P3H2: variants seen among roughly 807,000 people sequenced by gnomAD.
P3H2 encodes leprecan-like 1.
Under a neutral mutation model 87.0 loss-of-function variants are expected in P3H2, and 80 were observed. The ratio of observed to expected loss-of-function variants is 0.92; its 90% CI spans 0.77 to 1.11. P3H2 has a LOEUF of 1.11. Among genes scored for constraint, P3H2 ranks in the 50% least tolerant of loss-of-function variants. The pLI, the probability that P3H2 is intolerant of heterozygous loss-of-function variation, is 0.00. For synonymous variants in P3H2, 367 were observed against 359.3 expected (o/e 1.02, Z -0.24); for missense variants, 1,001 against 923.9 (o/e 1.08, Z -1.08).
rs745876770 is a variant in P3H2, at chr3:189,995,432, A to G, written c.491T>C (p.Leu164Pro). Residue 164 changes from leucine to proline, a missense_variant, in exon 2 of 15, where the codon CTC (leucine) becomes CCC (proline). By Grantham distance (98) the Leu-to-Pro change is moderately conservative. Transcript: ENST00000319332. ...GTGAGCTGCTTCCACTGCTTTTTCG[A>G]GCTGGTTAAGCTAAAGAGAAAAAAA... Reference protein sequence around the residue: ...LQRAYIKLNQLEKAVEAAHTF... With the variant: ...LQRAYIKLNQPEKAVEAAHTF... 35 of 1,613,478 alleles carry G rather than the reference A, an allele frequency of 2.2e-5. No individual in the cohort carries two copies. The highest frequency in any genetic ancestry group is 5.0e-5 in the Admixed American group (3 of 59,982).
At chr3:190,035,205 CT>C (rs774589188) in intron 1 of P3H2, among the ~76,000 whole-genome samples, 2 of 151,766 alleles carry the variant, frequency 1.3e-5, no homozygotes, top group Non-Finnish European at 2.9e-5. Flanking sequence ...TAATTGCTTC[CT>C]TGGCAACTAG....
intron 1 of P3H2, among the ~76,000 whole-genome samples, chr3:190,065,784 C>T (rs1726478660): frequency 6.6e-6 from 1 of 152,092 alleles, no homozygotes; most frequent in African/African-American, 2.4e-5. Flanking sequence ...TCAGTCTCCC[C>T]TCCAATAATC....
At chr3:190,089,655 A>G (rs1727346575) in intron 1 of P3H2, among the ~76,000 whole-genome samples, 3 of 152,170 alleles carry the variant, frequency 2.0e-5, no homozygotes, top group South Asian at 4.1e-4. Flanking sequence ...GGGATGTAGC[A>G]TTTATAGGAA....
In P3H2 at chr3:190,022,670, T is replaced by C. The variant is rs1028757430; in HGVS notation, c.481-27228A>G. Among the ~76,000 whole-genome samples the C allele has an allele frequency of 5.4e-5, 8 of 147,130 alleles. 1 individual carries two copies. Among genetic ancestry groups the C allele is most frequent in the South Asian group, 2.3e-4 (1 of 4,364 alleles). On this transcript the variant is annotated intron_variant, in intron 1 of 14. Coordinates refer to ENST00000319332, the MANE Select transcript of P3H2 (RefSeq NM_018192.4). ...CAAATGCCTTCAGAGGCGAGGCAGATAATATCAATAATGAAGTGGGTACTT... is the reference window on the plus strand; with the variant it reads ...CAAATGCCTTCAGAGGCGAGGCAGACAATATCAATAATGAAGTGGGTACTT...
intron 8 of P3H2, among the ~76,000 whole-genome samples, chr3:189,977,902 G>C (rs113792979): frequency 1.3e-5 from 2 of 151,888 alleles, no homozygotes; most frequent in African/African-American, 4.8e-5. Context: ...GAGCCACCAC[G>C]CCCAGCCAAG....
intron 1 of P3H2, among the ~76,000 whole-genome samples, chr3:190,100,213 G>A (rs1322458901): frequency 6.8e-6 from 1 of 147,806 alleles, no homozygotes; most frequent in Non-Finnish European, 1.5e-5. Flanking sequence ...CAGCCTGGGC[G>A]ACAAAGAGCA....
intron 3 of P3H2, among the ~76,000 whole-genome samples, chr3:189,991,786 G>A (rs1723884337): frequency 6.6e-6 from 1 of 152,204 alleles, no homozygotes; most frequent in Non-Finnish European, 1.5e-5. Flanking sequence ...TATTCCAAGT[G>A]GAGTGTAAAC....
intron 1 of P3H2, among the ~76,000 whole-genome samples, chr3:190,118,678 C>T (rs780560809): frequency 6.2e-4 from 94 of 152,136 alleles, no homozygotes; most frequent in Admixed American, 1.2e-3. Context: ...GTTGAAATTT[C>T]GTGCACTCCA....
At chr3:190,046,256 C>G (rs1577294008) in intron 1 of P3H2, among the ~76,000 whole-genome samples, 1 of 152,246 alleles carries the variant, frequency 6.6e-6, no homozygotes, top group East Asian at 1.9e-4. Context: ...CTATCTGGTT[C>G]TATTTTTTCT....
intron 1 of P3H2, among the ~76,000 whole-genome samples, chr3:190,034,306 T>C (rs1335757725): frequency 7.2e-5 from 11 of 152,170 alleles, no homozygotes; most frequent in Admixed American, 7.2e-4. Context: ...ACTTGCACTT[T>C]TGGTGGTAGT....
chr3:190,063,189 T>C (rs1381254512), intron 1 of P3H2, among the ~76,000 whole-genome samples: 2 of 152,142 alleles, frequency 1.3e-5, no homozygotes, highest in East Asian at 3.9e-4. Context: ...TGTACACAAC[T>C]ACTGGTAAAT....
At position 190,001,455 on chromosome 3, in the gene P3H2, C is replaced by A. The variant is rs141821011; in HGVS notation, c.481-6013G>T. Among the ~76,000 whole-genome samples the A allele has an allele frequency of 1.6e-4, 24 of 152,274 alleles. 1 individual carries two copies. In the East Asian group the frequency reaches 4.6e-3, roughly 29 times the overall value. On this transcript the variant is annotated intron_variant, in intron 1 of 14. Coordinates refer to ENST00000319332, the MANE Select transcript of P3H2 (RefSeq NM_018192.4). ...ATGAATTCTTTTTCTACTTTCGTCA[C>A]CCTAACTTTGGGAATTTATCCATTA...
intron 8 of P3H2, among the ~76,000 whole-genome samples, chr3:189,978,836 C>A (rs1411404338): frequency 6.6e-6 from 1 of 152,068 alleles, no homozygotes; most frequent in Non-Finnish European, 1.5e-5. Context: ...AAAATGTAGT[C>A]CAATAAATTG....
intron 1 of P3H2, among the ~76,000 whole-genome samples, chr3:190,059,366 C>G (rs1177383724): frequency 6.6e-6 from 1 of 151,932 alleles, no homozygotes; most frequent in Non-Finnish European, 1.5e-5. Flanking sequence ...AGACTCCCAG[C>G]ACAGCTGCAC....
intron 1 of P3H2, among the ~76,000 whole-genome samples, chr3:190,087,342 C>T (rs1205911256): frequency 6.6e-6 from 1 of 151,856 alleles, no homozygotes; most frequent in East Asian, 1.9e-4. Context: ...CGAGACCATC[C>T]TGGCTAACAG....
chr3:190,089,777 G>C (rs1406168648), intron 1 of P3H2, among the ~76,000 whole-genome samples: 1 of 152,172 alleles, frequency 6.6e-6, no homozygotes, highest in Non-Finnish European at 1.5e-5. Flanking sequence ...AATATGGGTA[G>C]GACAAGATGG....
chr3:190,060,404 A>G (rs2108966355), intron 1 of P3H2, among the ~76,000 whole-genome samples: 1 of 152,280 alleles, frequency 6.6e-6, no homozygotes, highest in South Asian at 2.1e-4. Context: ...AATCCGTTCA[A>G]GTTCACATAT....
intron 1 of P3H2, among the ~76,000 whole-genome samples, chr3:190,099,913 T>C (rs998171620): frequency 4.6e-5 from 7 of 152,072 alleles, no homozygotes; most frequent in African/African-American, 1.7e-4. Context: ...ACTAAAATAT[T>C]TCTTCAGAAC....
chr3:190,103,439 T>C (rs148239619), intron 1 of P3H2, among the ~76,000 whole-genome samples: 62 of 152,362 alleles, frequency 4.1e-4, no homozygotes, highest in African/African-American at 1.4e-3. Context: ...TTTTTTTCCC[T>C]ATTCCAAACT....
Sources: allele counts gnomAD v4.1 joint callset (sites outside exome capture counted in the v4.1 genomes callset), GRCh38; gene constraint gnomAD v4.1.1; transcripts MANE v1.5; gene names NCBI Gene and HGNC (gene_info 2026-07-23, HGNC 2026-07-21).